STAB2: variants seen among roughly 807,000 people sequenced by gnomAD.
STAB2 encodes stabilin 2.
STAB2 carries 288 observed loss-of-function variants against 338.1 expected under a neutral mutation model. The observed-to-expected ratio is 0.85, with a 90% CI of 0.77 to 0.94. The LOEUF is 0.94. Ranked by LOEUF, STAB2 falls within the 40% of genes least tolerant of loss-of-function variation. The probability of loss-of-function intolerance (pLI) is 0.00; values close to 1 mark genes in which losing one functional copy is unlikely to be tolerated. For missense variants in STAB2, 3,141 were observed against 3,210.1 expected (o/e 0.98, Z 0.52); for synonymous variants, 1,202 against 1,193.3 (o/e 1.01, Z -0.15).
At chr12:103,756,794 C>A (rs1884133278) in intron 63 of STAB2, among the ~76,000 whole-genome samples, 1 of 151,932 alleles carries the variant, frequency 6.6e-6, no homozygotes, top group African/African-American at 2.4e-5. Context: ...GAGTCTCTGT[C>A]CACAGACCAA....
intron 3 of STAB2, among the ~76,000 whole-genome samples, chr12:103,611,815 T>G (rs1013795161): frequency 6.6e-6 from 1 of 152,208 alleles, no homozygotes; most frequent in Admixed American, 6.5e-5. Flanking sequence ...GTTTTTGCAG[T>G]GGCTGGTACC....
chr12:103,622,096 C>A lies in STAB2; in HGVS notation c.472C>A (p.Pro158Thr). 1 of 1,614,152 alleles carries A rather than the reference C, an allele frequency of 6.2e-7. No individual in the cohort carries two copies. Among genetic ancestry groups the A allele is most frequent in the Non-Finnish European group, 8.5e-7 (1 of 1,180,016 alleles). The change falls in exon 5 of 69, where the codon CCC (proline) becomes ACC (threonine). Residue 158 changes from proline (P) to threonine (T), a missense_variant. Transcript: ENST00000388887. ...CTGTGCTGACGACAACTTATTTGGA[C>A]CCAGCTGTTCATCAGGTATGTCTGA... ...ETCADDNLFG[P>T]SCSSVCNCVH...
intron 3 of STAB2, among the ~76,000 whole-genome samples, chr12:103,613,940 A>G (rs758759671): frequency 1.3e-5 from 2 of 151,810 alleles, no homozygotes; most frequent in African/African-American, 4.8e-5. Flanking sequence ...TTTATTTTGA[A>G]CATTGTATTT....
chr12:103,613,540 G>A (rs183257731), intron 3 of STAB2, among the ~76,000 whole-genome samples: 259 of 152,316 alleles, frequency 1.7e-3, no homozygotes, highest in African/African-American at 5.4e-3. Context: ...CTGGAAAAGC[G>A]CAGTATCAGG....
chr12:103,763,597 G>C lies in STAB2; in HGVS notation c.7594G>C (p.Asp2532His). 1 of 1,613,862 alleles carries C rather than the reference G, an allele frequency of 6.2e-7. No individual in the cohort carries two copies. The highest frequency in any genetic ancestry group is 8.5e-7 in the Non-Finnish European group (1 of 1,179,866). ...TTSAPPEPSYDPFTDSEERQL... is the reference protein window; with the variant it reads ...TTSAPPEPSYHPFTDSEERQL... Reference sequence around the variant, plus strand: ...CTCAGCTCCCCCAGAACCTTCCTACGACCCCTTCACGGTGAGTTTGCATTC... The same window carrying C: ...CTCAGCTCCCCCAGAACCTTCCTACCACCCCTTCACGGTGAGTTTGCATTC... Residue 2532 changes from aspartate to histidine, a missense_variant, in exon 68 of 69, where the codon GAC (aspartate) becomes CAC (histidine). Asp to His is a moderately conservative substitution (Grantham distance 81). Coordinates refer to ENST00000388887, the MANE Select transcript of STAB2 (RefSeq NM_017564.10).
intron 3 of STAB2, among the ~76,000 whole-genome samples, chr12:103,616,787 C>G (rs1392703648): frequency 6.6e-6 from 1 of 152,186 alleles, no homozygotes; most frequent in East Asian, 1.9e-4. Flanking sequence ...ACCATCTCAG[C>G]TCAAGAGGGG....
intron 4 of STAB2, 104 bp downstream of exon 4, chr12:103,620,657 G>GCA: frequency 6.8e-6 from 6 of 888,012 alleles, no homozygotes; most frequent in Non-Finnish European, 1.0e-5. Flanking sequence ...ACACACACGT[G>GCA]CACACACACA....
intron 27 of STAB2, among the ~76,000 whole-genome samples, chr12:103,685,579 C>T (rs1197289020): frequency 1.3e-5 from 2 of 152,190 alleles, no homozygotes; most frequent in Non-Finnish European, 2.9e-5. Context: ...CCTTCTGCTA[C>T]TATTATGCCC....
At chr12:103,737,420 A>G (rs1882212838) in intron 52 of STAB2, among the ~76,000 whole-genome samples, 1 of 152,212 alleles carries the variant, frequency 6.6e-6, no homozygotes, top group African/African-American at 2.4e-5. Context: ...TAGCACAGGT[A>G]AAGGACTTAG....
At chr12:103,612,453 T>C (rs1180796122) in intron 3 of STAB2, among the ~76,000 whole-genome samples, 3 of 152,262 alleles carry the variant, frequency 2.0e-5, no homozygotes, top group African/African-American at 4.8e-5. Flanking sequence ...CAATCACTGA[T>C]ACCCTTTCTT....
At chr12:103,736,785 T>C (rs886489789) in intron 52 of STAB2, among the ~76,000 whole-genome samples, 1 of 152,294 alleles carries the variant, frequency 6.6e-6, no homozygotes, top group Non-Finnish European at 1.5e-5. Context: ...AGTTTTCTGG[T>C]GTTCCTTCCA....
intron 6 of STAB2, 80 bp downstream of exon 6, chr12:103,631,773 T>C (rs192528325): frequency 7.1e-7 from 1 of 1,411,066 alleles, no homozygotes; most frequent in East Asian, 2.3e-5. Flanking sequence ...TATCTGTTAC[T>C]GGTTCTCTGC....
chr12:103,660,274 A>G lies in STAB2; in HGVS notation c.1735-57A>G, dbSNP rs145915437. ...AACGTCATTTGAAGAGGATTCCACA[A>G]GAGTGGAAGTGTTGCATTTTCTTCT... On this transcript the variant is annotated intron_variant, in intron 15 of 68. Coordinates refer to ENST00000388887, the MANE Select transcript of STAB2 (RefSeq NM_017564.10). 1.2e-3 allele frequency: 1,772 copies of G among 1,491,936 alleles called. 24 individuals carry two copies. The African/African-American group carries it at 0.021, about 18-fold the overall frequency. The allele number at this position is 1,491,936 out of a possible 1,614,324, so 92.4% of individuals were successfully genotyped here.
chr12:103,717,889 G>A, intron 44 of STAB2, 48 bp downstream of exon 44: 1 of 1,604,142 alleles, frequency 6.2e-7, no homozygotes, highest in Non-Finnish European at 8.5e-7. Context: ...AGAGCCCAGG[G>A]TGCCTCCCAC....
chr12:103,587,370 T>C lies in STAB2; in HGVS notation c.-107T>C. 1.1e-6 allele frequency: 1 copy of C among 919,092 alleles called. No homozygotes were observed. Among genetic ancestry groups the C allele is most frequent in the Non-Finnish European group, 1.7e-6 (1 of 593,988 alleles). 56.9% of individuals were successfully genotyped at this position (919,092 alleles called of 1,614,324 possible). On this transcript the variant is annotated 5_prime_UTR_variant, in exon 1 of 69. Transcript: ENST00000388887. The stretch of plus-strand genomic sequence containing the variant: ...AAAAGGAAAGGAAGGGATTTAAAAG[T>C]AAACAGTGAAATGAGAAAGAATTCA...
intron 42 of STAB2, 93 bp from the exon 43 acceptor site, chr12:103,715,722 A>T: frequency 7.0e-7 from 1 of 1,427,314 alleles, no homozygotes; most frequent in Non-Finnish European, 9.8e-7. Context: ...CGCTCCCTTC[A>T]GTCAGTTAGC....
chr12:103,646,103 G>A (rs1873309764), intron 9 of STAB2, among the ~76,000 whole-genome samples: 1 of 152,172 alleles, frequency 6.6e-6, no homozygotes, highest in Non-Finnish European at 1.5e-5. Context: ...GATCCAGGAG[G>A]CAGAGGTTGC....
chr12:103,652,209 A>G (rs577727041), intron 11 of STAB2, among the ~76,000 whole-genome samples: 8 of 152,314 alleles, frequency 5.3e-5, no homozygotes, highest in South Asian at 2.1e-4. Flanking sequence ...TCCATGTTCA[A>G]GATAGATTCC....
chr12:103,678,087 C>G (rs183862707), intron 25 of STAB2, among the ~76,000 whole-genome samples: 1 of 152,288 alleles, frequency 6.6e-6, no homozygotes, highest in East Asian at 1.9e-4. Flanking sequence ...TCCCTTCCCC[C>G]ATCCATCCCC....
Sources: gnomAD v4.1 joint callset for allele counts (sites outside exome capture counted in the v4.1 genomes callset) on GRCh38, gnomAD v4.1.1 for gene constraint, MANE v1.5 for transcripts, NCBI Gene and HGNC (gene_info 2026-07-23, HGNC 2026-07-21) for gene names.